SBF2: variants seen among roughly 807,000 people sequenced by gnomAD.
The protein encoded by SBF2 is SET binding factor 2, also known as myotubularin-related protein 13.
In SBF2, 112 loss-of-function variants were observed where a neutral mutation model predicts 225.2. The observed-to-expected ratio is 0.50, with a 90% CI of 0.43 to 0.58. SBF2 has a LOEUF of 0.58. Ranked by LOEUF, SBF2 falls within the 20% of genes least tolerant of loss-of-function variation. SBF2 has a pLI of 0.00. For missense variants in SBF2, 1,996 were observed against 2,206.2 expected, an observed-to-expected ratio of 0.90 and a Z score of 1.91; for synonymous variants, 763 against 773.3, an observed-to-expected ratio of 0.99 and a Z score of 0.22.
At chr11:9,824,561 CAAAA>C (rs112827651) in intron 28 of SBF2, among the ~76,000 whole-genome samples, 1 of 61,820 alleles carries the variant, frequency 1.6e-5, no homozygotes. Flanking sequence ...GACTCCATCT[CAAAA>C]AAAAAAAAAA....
intron 1 of SBF2, among the ~76,000 whole-genome samples, chr11:10,230,854 C>T (rs1321201929): frequency 1.3e-5 from 2 of 152,236 alleles, no homozygotes; most frequent in East Asian, 3.9e-4. Context: ...TGAATGTTGG[C>T]CTGCCTTGCT....
In SBF2 at chr11:10,063,037, G is replaced by A. The variant is rs112685835; in HGVS notation, c.142-20056C>T. On this transcript the variant is annotated intron_variant, in intron 2 of 39. Transcript: ENST00000256190. ...AAAGAAAGAGATCATGTCTTTTGCC[G>A]GACCATGGATGGAGCTACAGGCTAT... Among the ~76,000 whole-genome samples, 587 of 152,088 alleles carry A rather than the reference G, an allele frequency of 3.9e-3. 3 individuals carry two copies. Among genetic ancestry groups the A allele is most frequent in the African/African-American group, 0.013 (540 of 41,468 alleles).
intron 29 of SBF2, among the ~76,000 whole-genome samples, chr11:9,813,446 G>C (rs903419578): frequency 5.3e-5 from 8 of 152,066 alleles, no homozygotes; most frequent in Non-Finnish European, 1.2e-4. Context: ...TCCTGCCTCA[G>C]CCTCCCGAGT....
intron 1 of SBF2, among the ~76,000 whole-genome samples, chr11:10,206,284 A>G (rs1957749423): frequency 6.6e-6 from 1 of 151,558 alleles, no homozygotes. Context: ...TGGCCCCAGC[A>G]TTAAATAAAC....
chr11:10,186,590 T>A (rs1242852801), intron 2 of SBF2, among the ~76,000 whole-genome samples: 1 of 152,160 alleles, frequency 6.6e-6, no homozygotes, highest in Non-Finnish European at 1.5e-5. Context: ...CTCTGAGCCC[T>A]GTTATCTAGG....
At chr11:10,286,166 GCACACACACACACACA>G (rs57445416) in intron 1 of SBF2, among the ~76,000 whole-genome samples, 1 of 147,238 alleles carries the variant, frequency 6.8e-6, no homozygotes, top group Non-Finnish European at 1.5e-5. Flanking sequence ...ACACGCACAC[GCACACACACACACACA>G]CACACACACA....
At chr11:9,812,833 G>T in intron 29 of SBF2, 125 bp from the exon 30 acceptor site, 1 of 897,116 alleles carries the variant, frequency 1.1e-6, no homozygotes. Flanking sequence ...GCTGCCAATG[G>T]GTCAAGAAAG....
chr11:9,864,921 T>A (rs7942326), intron 17 of SBF2, among the ~76,000 whole-genome samples: 54,649 of 151,836 alleles, frequency 0.36, 10,375 homozygotes, highest in African/African-American at 0.49. Flanking sequence ...TTATTTATTT[T>A]TTTTTTTGAG....
intron 2 of SBF2, among the ~76,000 whole-genome samples, chr11:10,047,619 G>C (rs1018893855): frequency 6.6e-6 from 1 of 152,080 alleles, no homozygotes; most frequent in East Asian, 1.9e-4. Flanking sequence ...TTCCTCTTTT[G>C]TACAGACGTT....
intron 2 of SBF2, among the ~76,000 whole-genome samples, chr11:10,154,647 G>A (rs1955380820): frequency 6.6e-6 from 1 of 152,066 alleles, no homozygotes; most frequent in South Asian, 2.1e-4. Context: ...TAATCACATT[G>A]TCTTACCTCC....
At chr11:10,049,948 G>C (rs1486704512) in intron 2 of SBF2, among the ~76,000 whole-genome samples, 1 of 152,180 alleles carries the variant, frequency 6.6e-6, no homozygotes, top group Non-Finnish European at 1.5e-5. Flanking sequence ...CAGGAAGGAA[G>C]TATGTGAGCT....
intron 17 of SBF2, among the ~76,000 whole-genome samples, chr11:9,863,385 A>G (rs1468106598): frequency 6.6e-6 from 1 of 152,242 alleles, no homozygotes; most frequent in East Asian, 1.9e-4. Context: ...ATTTCAGGAA[A>G]GAAGGCTAGC....
chr11:9,947,755 A>G (rs1488026431), intron 16 of SBF2, among the ~76,000 whole-genome samples: 3 of 151,980 alleles, frequency 2.0e-5, no homozygotes, highest in African/African-American at 7.3e-5. Flanking sequence ...TCCGGTTCAC[A>G]TACATTAGGA....
intron 6 of SBF2, among the ~76,000 whole-genome samples, chr11:10,008,455 T>C (rs1948295788): frequency 6.6e-6 from 1 of 152,156 alleles, no homozygotes; most frequent in Admixed American, 6.5e-5. Context: ...CCTTGGTCTT[T>C]TACATCAAGG....
intron 2 of SBF2, among the ~76,000 whole-genome samples, chr11:10,081,752 T>A (rs1301546919): frequency 8.3e-6 from 1 of 120,718 alleles, no homozygotes. Context: ...AGAGCAAGAC[T>A]CCACCTCAAA....
chr11:10,017,769 A>T (rs1948707166), intron 6 of SBF2, among the ~76,000 whole-genome samples: 1 of 152,212 alleles, frequency 6.6e-6, no homozygotes, highest in Admixed American at 6.5e-5. Context: ...AGAGCTTAGC[A>T]ATGTGGGAGA....
rs141045579 is a variant in SBF2 at position 10,122,086 on chromosome 11, A to G, written c.141+71816T>C. Among the ~76,000 whole-genome samples the G allele has an allele frequency of 4.8e-3, 727 of 152,330 alleles. 8 individuals are homozygous for G. The highest frequency in any genetic ancestry group is 0.016 in the African/African-American group (684 of 41,576). On this transcript the variant is annotated intron_variant, in intron 2 of 39. Transcript: ENST00000256190. ...ATAAAGTGCTTCCTTTAAGTGTAAA[A>G]GTGAAAATTCTCAAGTGAATAAGGA...
intron 1 of SBF2, among the ~76,000 whole-genome samples, chr11:10,208,130 A>C (rs1957805663): frequency 6.6e-6 from 1 of 152,082 alleles, no homozygotes; most frequent in Admixed American, 6.5e-5. Context: ...ACCTTAAGCA[A>C]ATCCTCTAAC....
At chr11:10,137,240 G>T (rs1012685446) in intron 2 of SBF2, among the ~76,000 whole-genome samples, 1 of 151,986 alleles carries the variant, frequency 6.6e-6, no homozygotes, top group African/African-American at 2.4e-5. Flanking sequence ...GTTTTTGTAC[G>T]ATCTCATAAC....
Sources: gnomAD v4.1 joint callset for allele counts (sites outside exome capture counted in the v4.1 genomes callset) on GRCh38, gnomAD v4.1.1 for gene constraint, MANE v1.5 for transcripts, NCBI Gene and HGNC (gene_info 2026-07-23, HGNC 2026-07-21) for gene names.